Variants in RYR3 observed in about 807,000 individuals in gnomAD.
RYR3 encodes the protein brain ryanodine receptor-calcium release channel.
Under a neutral mutation model 584.3 loss-of-function variants are expected in RYR3, and 207 were observed. The ratio of observed to expected loss-of-function variants is 0.35; its 90% confidence interval spans 0.32 to 0.40. The LOEUF is 0.40. Ranked by LOEUF, RYR3 falls within the 10% of genes least tolerant of loss-of-function variation. The pLI is 1.00. For synonymous variants in RYR3, 2,416 were observed against 2,248.5 expected (o/e 1.07, Z -2.11); for missense variants, 5,616 against 6,089.2 (o/e 0.92, Z 2.59).
chr15:33,725,993 A>AACC (rs1555427714), intron 45 of RYR3, among the ~76,000 whole-genome samples: 2 of 79,082 alleles, frequency 2.5e-5, no homozygotes, highest in African/African-American at 8.2e-5. Flanking sequence ...AAAAAAAAAA[A>AACC]AAAACAGAAT....
rs753860959 is a variant in RYR3, at chr15:33,660,356, C to T, written c.4555C>T (p.His1519Tyr). ...GGAGACCGAGCGTGTGAGCGAGCGC[C>T]ACGGCTGGGTGGTGCAGTGCCTGGA... ...KVETERVSER[H>Y]GWVVQCLEPL... is the part of the protein sequence containing the mutation. The change falls in exon 34 of 104, where the codon CAC becomes TAC. Residue 1519 changes from histidine (H) to tyrosine (Y), a missense_variant. By Grantham distance (83) the His-to-Tyr change is moderately conservative. Transcript: ENST00000634891. The T allele has an allele frequency of 1.3e-6, 2 of 1,591,830 alleles. No homozygotes were observed. The highest frequency in any genetic ancestry group is 1.8e-5 in the Admixed American group (1 of 56,886).
At chr15:33,833,132 T>C (rs1312096743) in intron 86 of RYR3, among the ~76,000 whole-genome samples, 1 of 152,142 alleles carries the variant, frequency 6.6e-6, no homozygotes, top group East Asian at 1.9e-4. Flanking sequence ...GGATTATGCG[T>C]GGCTTTATAA....
At chr15:33,655,128 G>C (rs765232664) in intron 32 of RYR3, among the ~76,000 whole-genome samples, 6 of 152,226 alleles carry the variant, frequency 3.9e-5, no homozygotes, top group Non-Finnish European at 8.8e-5. Flanking sequence ...CACTTGGCAC[G>C]CTTGCTTCAG....
intron 1 of RYR3, among the ~76,000 whole-genome samples, chr15:33,345,034 CAT>C (rs1438662969): frequency 1.3e-5 from 2 of 152,186 alleles, no homozygotes; most frequent in Non-Finnish European, 2.9e-5. Flanking sequence ...TGATAAATAA[CAT>C]AACCAGAATG....
At chr15:33,407,087 A>G (rs2043075721) in intron 1 of RYR3, among the ~76,000 whole-genome samples, 1 of 152,214 alleles carries the variant, frequency 6.6e-6, no homozygotes, top group Non-Finnish European at 1.5e-5. Flanking sequence ...CACTGTGTCT[A>G]CACGTGGTGG....
At chr15:33,726,664 T>C (rs1273559803) in intron 46 of RYR3, among the ~76,000 whole-genome samples, 158 bp downstream of exon 46, 1 of 152,252 alleles carries the variant, frequency 6.6e-6, no homozygotes, top group African/African-American at 2.4e-5. Context: ...AGTTTTCTCC[T>C]CTAGGCTCTA....
At chr15:33,434,627 T>G (rs2045493969) in intron 1 of RYR3, among the ~76,000 whole-genome samples, 2 of 152,130 alleles carry the variant, frequency 1.3e-5, no homozygotes, top group African/African-American at 4.8e-5. Flanking sequence ...AAAGATAAAC[T>G]GAACACTCGC....
Position 33,627,109 on chromosome 15 carries a change from A to G in RYR3, c.2575-1362A>G, listed in dbSNP as rs559732389. On this transcript the variant is annotated intron_variant, in intron 20 of 103. Coordinates refer to ENST00000634891, the MANE Select transcript of RYR3 (RefSeq NM_001036.6). Reference sequence around the variant, plus strand: ...CTGGAAAAGCCATAGACACTCGAGCATGCAGGTCCTCCTGAAATGGATGGT... The same window carrying G: ...CTGGAAAAGCCATAGACACTCGAGCGTGCAGGTCCTCCTGAAATGGATGGT... Among the ~76,000 whole-genome samples the G allele has an allele frequency of 1.4e-4, 22 of 152,298 alleles. No individual in the cohort carries two copies. The South Asian group carries it at 4.2e-3, about 29-fold the overall frequency.
intron 1 of RYR3, among the ~76,000 whole-genome samples, chr15:33,467,095 G>C (rs997614363): frequency 7.9e-5 from 12 of 152,186 alleles, no homozygotes; most frequent in Non-Finnish European, 1.8e-4. Flanking sequence ...CATATATTTA[G>C]AAAGTAGCTT....
chr15:33,582,099 G>C (rs993535719), intron 14 of RYR3, among the ~76,000 whole-genome samples: 1 of 152,210 alleles, frequency 6.6e-6, no homozygotes, highest in Non-Finnish European at 1.5e-5. Flanking sequence ...AAAAGAAAAA[G>C]GTGGGAAGTA....
chr15:33,522,772 C>G, intron 3 of RYR3, among the ~76,000 whole-genome samples: 1 of 152,158 alleles, frequency 6.6e-6, no homozygotes, highest in East Asian at 1.9e-4. Context: ...TTAGCGAGCT[C>G]CTGTTGCCTC....
Position 33,566,758 on chromosome 15 carries a change from G to A in RYR3, c.1227G>A (p.Arg409=). ...RCQREESQAA[R]IIRNTTALFS... ...AGCGTGAGGAGTCCCAGGCTGCTCG[G>A]ATCATCCGGAACACTACAGCCTTAT... is the stretch of plus-strand genomic sequence containing the variant. Residue 409 remains arginine (R), a synonymous_variant, in exon 12 of 104, where the codon CGG becomes CGA. Coordinates refer to ENST00000634891, the MANE Select transcript of RYR3 (RefSeq NM_001036.6). 1 of 1,613,784 alleles carries A rather than the reference G, an allele frequency of 6.2e-7. No individual in the cohort carries two copies. The highest frequency in any genetic ancestry group is 8.5e-7 in the Non-Finnish European group (1 of 1,179,730).
At chr15:33,381,624 C>T (rs2041197377) in intron 1 of RYR3, among the ~76,000 whole-genome samples, 1 of 152,180 alleles carries the variant, frequency 6.6e-6, no homozygotes, top group Admixed American at 6.5e-5. Flanking sequence ...AGTCCTACCA[C>T]TCCTTGAAAT....
intron 42 of RYR3, among the ~76,000 whole-genome samples, chr15:33,703,641 G>A (rs986917499): frequency 6.6e-6 from 1 of 152,146 alleles, no homozygotes; most frequent in African/African-American, 2.4e-5. Flanking sequence ...TGAGGGTTAG[G>A]GCTTCCACAT....
rs747990987 is a variant in RYR3, at chr15:33,634,685, A to G, written c.3127A>G (p.Thr1043Ala). 2 of 1,613,880 alleles carry G rather than the reference A, an allele frequency of 1.2e-6. No individual in the cohort carries two copies. Among genetic ancestry groups the G allele is most frequent in the Non-Finnish European group, 1.7e-6 (2 of 1,179,880 alleles). ...NRDSLREAVR[T>A]FVGYGYNIEP... ...GGACAGCCTGCGGGAAGCTGTGCGC[A>G]CTTTTGTTGGTTACGGGTATAACAT... The change falls in exon 25 of 104, where the codon ACT (threonine) becomes GCT (alanine). Residue 1043 changes from threonine to alanine, a missense_variant. Thr to Ala is a moderately conservative substitution (Grantham distance 58). Coordinates refer to ENST00000634891, the MANE Select transcript of RYR3 (RefSeq NM_001036.6).
intron 11 of RYR3, among the ~76,000 whole-genome samples, chr15:33,566,212 T>C (rs888354230): frequency 2.0e-5 from 3 of 152,196 alleles, no homozygotes; most frequent in African/African-American, 7.2e-5. Context: ...ACTAACTCAG[T>C]GTAGTTGGCC....
chr15:33,722,720 A>T lies in RYR3; in HGVS notation c.6625A>T (p.Ser2209Cys). The change falls in exon 44 of 104, where the codon AGT becomes TGT. Residue 2209 changes from serine to cysteine, a missense_variant. By Grantham distance (112) the Ser-to-Cys change is moderately radical. Coordinates refer to ENST00000634891, the MANE Select transcript of RYR3 (RefSeq NM_001036.6). Reference sequence around the variant, plus strand: ...ACAGTGCCTGTCTTCCTCAGGTGAGAGTGTGGAAGAAAACGCCAGCGTTGT... The same window carrying T: ...ACAGTGCCTGTCTTCCTCAGGTGAGTGTGTGGAAGAAAACGCCAGCGTTGT... ...LRFAVFVNSESVEENASVVVK... is the reference protein window; with the variant it reads ...LRFAVFVNSECVEENASVVVK... The T allele has an allele frequency of 6.2e-7, 1 of 1,611,716 alleles. No homozygotes were observed.
At chr15:33,816,433 CTA>C (rs1247806165) in intron 74 of RYR3, among the ~76,000 whole-genome samples, 2 of 152,152 alleles carry the variant, frequency 1.3e-5, no homozygotes, top group African/African-American at 2.4e-5. Flanking sequence ...TTTGGTATCT[CTA>C]AGATGAAACC....
In RYR3 at chr15:33,750,272, C is replaced by T. The variant is rs200517335; in HGVS notation, c.8385C>T (p.Gly2795=). Residue 2795 remains glycine, a synonymous_variant, in exon 57 of 104, where the codon GGC becomes GGT. Transcript: ENST00000634891. ...QDLFKFLQVN[G]IIVSRGMKDM... is the part of the protein sequence containing the mutation. The stretch of plus-strand genomic sequence containing the variant: ...TGTTTAAGTTCCTCCAAGTGAATGG[C>T]ATCATAGTTTCCAGGTAAGTCACCT... 146 of 1,610,864 alleles carry T rather than the reference C, an allele frequency of 9.1e-5. No individual in the cohort carries two copies. The highest frequency in any genetic ancestry group is 3.0e-4 in the Admixed American group (18 of 59,716).
Sources: allele counts gnomAD v4.1 joint callset (sites outside exome capture counted in the v4.1 genomes callset), GRCh38; gene constraint gnomAD v4.1.1; transcripts MANE v1.5; gene names NCBI Gene and HGNC (gene_info 2026-07-23, HGNC 2026-07-21).